CNBD1: variants seen among roughly 807,000 people sequenced by gnomAD.
The protein encoded by CNBD1 is cyclic nucleotide-binding domain-containing protein 1.
In CNBD1, 71 loss-of-function variants were observed where a neutral mutation model predicts 54.4. The ratio of observed to expected loss-of-function variants is 1.30; its 90% CI spans 1.08 to 1.59. The LOEUF (loss-of-function observed/expected upper bound fraction) is 1.59, where lower values mean the gene tolerates loss of function less well. Ranked by LOEUF, CNBD1 falls within the 40% of genes most tolerant of loss-of-function variation. CNBD1 has a pLI of 0.00. For missense variants in CNBD1, 659 were observed against 518.0 expected, an observed-to-expected ratio of 1.27 and a Z score of -2.64; for synonymous variants, 182 against 170.7, an observed-to-expected ratio of 1.07 and a Z score of -0.51.
chr8:87,354,281 G>C (rs1001857035), intron 10 of CNBD1, among the ~76,000 whole-genome samples: 1 of 152,044 alleles, frequency 6.6e-6, no homozygotes, highest in Non-Finnish European at 1.5e-5. Flanking sequence ...GTAAGTGAAA[G>C]CATTCCATTG....
At chr8:87,239,149 G>A (rs1328411587) in intron 6 of CNBD1, among the ~76,000 whole-genome samples, 2 of 151,972 alleles carry the variant, frequency 1.3e-5, no homozygotes, top group East Asian at 3.9e-4. Context: ...AAAATTTTTT[G>A]AAAAAATGAA....
intron 8 of CNBD1, among the ~76,000 whole-genome samples, chr8:87,329,955 C>T (rs988103268): frequency 1.3e-5 from 2 of 152,004 alleles, no homozygotes; most frequent in East Asian, 3.9e-4. Context: ...GAGGAGATAT[C>T]TTTACCTTGT....
intron 4 of CNBD1, among the ~76,000 whole-genome samples, chr8:87,055,658 C>G (rs1810398323): frequency 6.6e-6 from 1 of 152,220 alleles, no homozygotes; most frequent in Non-Finnish European, 1.5e-5. Flanking sequence ...GGCTGCTTCT[C>G]TGAGGACTAG....
At chr8:86,940,859 A>G (rs1809643209) in intron 4 of CNBD1, among the ~76,000 whole-genome samples, 1 of 152,344 alleles carries the variant, frequency 6.6e-6, no homozygotes, top group African/African-American at 2.4e-5. Context: ...TAGATACAAA[A>G]ATACCATTGT....
chr8:87,098,040 C>T (rs1586254540), intron 4 of CNBD1, among the ~76,000 whole-genome samples: 1 of 152,268 alleles, frequency 6.6e-6, no homozygotes, highest in East Asian at 1.9e-4. Flanking sequence ...CAAAAATTCT[C>T]AAGAATGATC....
At chr8:87,197,272 G>A (rs753710163) in intron 4 of CNBD1, among the ~76,000 whole-genome samples, 23 of 152,288 alleles carry the variant, frequency 1.5e-4, no homozygotes, top group Non-Finnish European at 2.5e-4. Context: ...TACAATGTGT[G>A]TAAACGGTGT....
At position 87,237,121 on chromosome 8, in the gene CNBD1, T is replaced by C. The variant is rs765654545; in HGVS notation, c.771+9T>C. On this transcript the variant is annotated intron_variant, in intron 6 of 10. Transcript: ENST00000518476. ...CTTCATATGACTCAATGGTAAGAGATGAGTATTTGCTTTTTCCACAAGCAA... is the reference window on the plus strand; with the variant it reads ...CTTCATATGACTCAATGGTAAGAGACGAGTATTTGCTTTTTCCACAAGCAA... 4 of 1,568,928 alleles carry C rather than the reference T, an allele frequency of 2.5e-6. No homozygotes were observed. Among genetic ancestry groups the C allele is most frequent in the South Asian group, 1.2e-5 (1 of 85,492 alleles).
At chr8:86,899,978 A>G (rs763740943) in intron 2 of CNBD1, among the ~76,000 whole-genome samples, 2 of 151,886 alleles carry the variant, frequency 1.3e-5, no homozygotes, top group African/African-American at 2.4e-5. Context: ...CTCTCTGCCC[A>G]TTGGTCACAT....
At chr8:86,896,627 A>G (rs1446448066) in intron 2 of CNBD1, among the ~76,000 whole-genome samples, 1 of 152,120 alleles carries the variant, frequency 6.6e-6, no homozygotes, top group Non-Finnish European at 1.5e-5. Context: ...ATAAAAATCT[A>G]CTAATTTTTT....
intron 4 of CNBD1, among the ~76,000 whole-genome samples, chr8:86,948,431 T>A (rs555369063): frequency 2.0e-5 from 3 of 152,114 alleles, no homozygotes; most frequent in Admixed American, 6.5e-5. Context: ...TTATTGCCTA[T>A]CTTTTGGATA....
intron 4 of CNBD1, among the ~76,000 whole-genome samples, chr8:86,955,434 T>C (rs959758675): frequency 1.3e-5 from 2 of 152,214 alleles, no homozygotes; most frequent in Non-Finnish European, 2.9e-5. Context: ...GTTGAACTAG[T>C]TTACAGTCCC....
At chr8:87,080,621 T>G (rs2130664620) in intron 4 of CNBD1, among the ~76,000 whole-genome samples, 1 of 152,210 alleles carries the variant, frequency 6.6e-6, no homozygotes, top group South Asian at 2.1e-4. Flanking sequence ...CTGCAAATGA[T>G]TATTTAGGAT....
chr8:87,135,113 T>C (rs1007475207), intron 4 of CNBD1, among the ~76,000 whole-genome samples: 6 of 152,084 alleles, frequency 3.9e-5, no homozygotes, highest in Non-Finnish European at 8.8e-5. Flanking sequence ...CAAAATTGAG[T>C]CTGATTTCTA....
intron 8 of CNBD1, among the ~76,000 whole-genome samples, chr8:87,299,508 G>A (rs1230015473): frequency 1.3e-5 from 2 of 152,176 alleles, no homozygotes; most frequent in African/African-American, 4.8e-5. Flanking sequence ...TAGTTTTCAT[G>A]TAAATGAAAT....
At chr8:87,053,264 T>G (rs1810348253) in intron 4 of CNBD1, among the ~76,000 whole-genome samples, 1 of 152,166 alleles carries the variant, frequency 6.6e-6, no homozygotes, top group African/African-American at 2.4e-5. Context: ...ATCTAATTGT[T>G]GGATAGTATT....
intron 8 of CNBD1, among the ~76,000 whole-genome samples, chr8:87,313,694 T>C (rs1425184089): frequency 6.6e-6 from 1 of 151,808 alleles, no homozygotes; most frequent in African/African-American, 2.4e-5. Context: ...TTATGTTCCC[T>C]TTACTAGATA....
intron 10 of CNBD1, among the ~76,000 whole-genome samples, chr8:87,372,007 G>A (rs1010457152): frequency 6.6e-6 from 1 of 151,908 alleles, no homozygotes; most frequent in Non-Finnish European, 1.5e-5. Context: ...GCAGGAGAAG[G>A]AAATAAAGGG....
At chr8:87,099,065 A>AAAAAAAAC (rs978372704) in intron 4 of CNBD1, among the ~76,000 whole-genome samples, 1 of 143,984 alleles carries the variant, frequency 6.9e-6, no homozygotes, top group African/African-American at 2.8e-5. Flanking sequence ...AAAAAACAAA[A>AAAAAAAAC]CTCCAAATTT....
intron 3 of CNBD1, among the ~76,000 whole-genome samples, chr8:86,929,849 G>C (rs1586141890): frequency 1.3e-5 from 2 of 152,180 alleles, no homozygotes; most frequent in African/African-American, 4.8e-5. Flanking sequence ...AGTGAGGCCA[G>C]CCGTTTGCTA....
Sources: allele counts gnomAD v4.1 joint callset (sites outside exome capture counted in the v4.1 genomes callset), GRCh38; gene constraint gnomAD v4.1.1; transcripts MANE v1.5; gene names NCBI Gene and HGNC (gene_info 2026-07-23, HGNC 2026-07-21).